The following DCAF6 variants were observed in gnomAD, a reference collection of about 807,000 sequenced individuals.
The protein encoded by DCAF6 is DDB1- and CUL4-associated factor 6.
In DCAF6, 54 loss-of-function variants were observed where a neutral mutation model predicts 125.1. The observed-to-expected ratio is 0.43, with a 90% CI of 0.35 to 0.54. The LOEUF (loss-of-function observed/expected upper bound fraction) is 0.54. DCAF6 is among the 20% of genes least tolerant of loss of function. The pLI is 0.01. For synonymous variants in DCAF6, 371 were observed against 390.4 expected (o/e 0.95, Z 0.58); for missense variants, 934 against 1,161.7 (o/e 0.80, Z 2.85).
At chr1:168,033,379 A>G (rs917140840) in intron 12 of DCAF6, among the ~76,000 whole-genome samples, 4 of 145,526 alleles carry the variant, frequency 2.7e-5, no homozygotes, top group Non-Finnish European at 4.5e-5. Flanking sequence ...GCAGTGGCGC[A>G]ATCTCGGCTC....
At chr1:167,901,976 A>T in the DCAF6 span, 1 of 1,610,830 alleles carries the variant, frequency 6.2e-7, no homozygotes, top group South Asian at 1.1e-5. Context: ...GCACCTCAGC[A>T]CTCCTTTCTT....
chr1:168,031,823 A>G (rs1049623416), intron 12 of DCAF6, among the ~76,000 whole-genome samples: 1 of 152,208 alleles, frequency 6.6e-6, no homozygotes, highest in African/African-American at 2.4e-5. Flanking sequence ...TTTTCATTCT[A>G]TACTGTCCTC....
chr1:167,903,862 G>A, the DCAF6 span: 2 of 1,530,510 alleles, frequency 1.3e-6, no homozygotes, highest in Non-Finnish European at 1.8e-6. Flanking sequence ...ATATTCTCAA[G>A]CCAGAAACCT....
At chr1:168,054,319 G>T (rs888723480) in intron 17 of DCAF6, among the ~76,000 whole-genome samples, 1 of 152,178 alleles carries the variant, frequency 6.6e-6, no homozygotes, top group Non-Finnish European at 1.5e-5. Flanking sequence ...GCTGGCACAG[G>T]AAATCACATG....
the DCAF6 span, among the ~76,000 whole-genome samples, chr1:167,913,052 G>A: frequency 2.6e-5 from 4 of 152,156 alleles, no homozygotes; most frequent in African/African-American, 9.7e-5. Flanking sequence ...TAATTTAAGA[G>A]CACTTTCAAT....
At chr1:168,011,355 A>T (rs980857142) in intron 10 of DCAF6, among the ~76,000 whole-genome samples, 2 of 151,974 alleles carry the variant, frequency 1.3e-5, no homozygotes, top group African/African-American at 4.8e-5. Context: ...TGAGCTCGTG[A>T]TCCACCCGCC....
chr1:167,893,898 C>T, the DCAF6 span: 4 of 1,613,606 alleles, frequency 2.5e-6, no homozygotes, highest in Non-Finnish European at 3.4e-6. Context: ...GGGACATCTC[C>T]AGTTCAGGAT....
intron 14 of DCAF6, among the ~76,000 whole-genome samples, chr1:168,044,067 G>A (rs80038380): frequency 0.03 from 4,558 of 152,206 alleles, 199 homozygotes; most frequent in African/African-American, 0.1. Context: ...CTGGGCTTCA[G>A]GAAGAAGCAG....
the DCAF6 span, among the ~76,000 whole-genome samples, chr1:167,911,399 C>G: frequency 6.6e-6 from 1 of 152,228 alleles, no homozygotes; most frequent in African/African-American, 2.4e-5. Context: ...TAAATATTTG[C>G]CCTGGCATGC....
the DCAF6 span, among the ~76,000 whole-genome samples, chr1:167,865,427 A>T: frequency 8.5e-5 from 13 of 152,226 alleles, no homozygotes; most frequent in Admixed American, 8.5e-4. Context: ...AAAATTATAA[A>T]AGGTTAAAAA....
chr1:167,939,257 A>G (rs1433814284), intron 1 of DCAF6, among the ~76,000 whole-genome samples: 1 of 152,100 alleles, frequency 6.6e-6, no homozygotes, highest in Non-Finnish European at 1.5e-5. Context: ...TTTTTAAAAA[A>G]TGACTTTCCC....
At chr1:167,926,155 T>C in the DCAF6 span, among the ~76,000 whole-genome samples, 2 of 152,236 alleles carry the variant, frequency 1.3e-5, no homozygotes, top group Admixed American at 1.3e-4. Flanking sequence ...TATCTAACCA[T>C]TTTTACATTT....
chr1:168,042,086 T>A (rs528266973), intron 13 of DCAF6, among the ~76,000 whole-genome samples: 73 of 152,108 alleles, frequency 4.8e-4, no homozygotes, highest in East Asian at 1.7e-3. Flanking sequence ...CTCTTTTTTT[T>A]AAAAAGTCAA....
chr1:167,962,202 A>G (rs1675719465), intron 2 of DCAF6, among the ~76,000 whole-genome samples: 1 of 152,120 alleles, frequency 6.6e-6, no homozygotes, highest in Non-Finnish European at 1.5e-5. Context: ...AATGTCCGTT[A>G]TATTCAGGTA....
At chr1:167,952,935 A>C (rs918078921) in intron 2 of DCAF6, among the ~76,000 whole-genome samples, 1 of 151,936 alleles carries the variant, frequency 6.6e-6, no homozygotes, top group South Asian at 2.1e-4. Flanking sequence ...ATTTTGCCAT[A>C]TTTTCTTTTC....
At chr1:167,873,503 G>A in the DCAF6 span, among the ~76,000 whole-genome samples, 2 of 152,156 alleles carry the variant, frequency 1.3e-5, no homozygotes, top group South Asian at 2.1e-4. Context: ...GACTTTTGGG[G>A]ATGTTCGTGT....
chr1:167,953,368 C>A (rs1674276238), intron 2 of DCAF6, among the ~76,000 whole-genome samples: 1 of 152,104 alleles, frequency 6.6e-6, no homozygotes, highest in East Asian at 1.9e-4. Flanking sequence ...GTATCTTTCT[C>A]CTTACATTAT....
intron 7 of DCAF6, among the ~76,000 whole-genome samples, chr1:168,000,558 G>A (rs1682465176): frequency 6.6e-6 from 1 of 152,096 alleles, no homozygotes; most frequent in Non-Finnish European, 1.5e-5. Flanking sequence ...TTGTACATAT[G>A]CTTAATTCAG....
chr1:167,978,477 A>G (rs922241864), intron 4 of DCAF6, among the ~76,000 whole-genome samples: 1 of 152,112 alleles, frequency 6.6e-6, no homozygotes, highest in Non-Finnish European at 1.5e-5. Flanking sequence ...CATCTCTTCA[A>G]ATGTTTGTTG....
Sources: gnomAD v4.1 joint callset for allele counts (sites outside exome capture counted in the v4.1 genomes callset) on GRCh38, gnomAD v4.1.1 for gene constraint, MANE v1.5 for transcripts, NCBI Gene and HGNC (gene_info 2026-07-23, HGNC 2026-07-21) for gene names.